The following ABCA5 variants were observed in gnomAD, a reference collection of about 807,000 sequenced individuals.
ABCA5 encodes ATP binding cassette subfamily A member 5.
ABCA5 carries 163 observed loss-of-function variants against 206.0 expected under a neutral mutation model. That is an observed-to-expected ratio of 0.79 (90% CI 0.70 to 0.90). The LOEUF is 0.90. ABCA5 is among the 40% of genes least tolerant of loss of function. The probability of loss-of-function intolerance (pLI) is 0.00; values close to 1 mark genes in which losing one functional copy is unlikely to be tolerated. For synonymous variants in ABCA5, 609 were observed against 613.8 expected, an observed-to-expected ratio of 0.99 and a Z score of 0.11; for missense variants, 1,859 against 1,912.9, an observed-to-expected ratio of 0.97 and a Z score of 0.53.
In ABCA5 at chr17:69,326,358, C is replaced by T. The variant is rs2075896792; in HGVS notation, c.-16+694G>A. ...ACGTGGTTATTATCTTCATTATTTT[C>T]GGACTTATTTATTTAAAACGTAAAT... On this transcript the variant is annotated intron_variant, in intron 1 of 38. Coordinates refer to ENST00000392676, the MANE Select transcript of ABCA5 (RefSeq NM_172232.4). This position sits in a 1 kb window ranked among gnomAD's most constrained non-coding sequence, Gnocchi z 4.8. Among the ~76,000 whole-genome samples the T allele has an allele frequency of 6.6e-6, 1 of 152,184 alleles. No individual in the cohort carries two copies. The highest frequency in any genetic ancestry group is 1.5e-5 in the Non-Finnish European group (1 of 68,030).
At chr17:69,325,298 G>T (rs1365762339) in intron 1 of ABCA5, among the ~76,000 whole-genome samples, 1 of 146,774 alleles carries the variant, frequency 6.8e-6, no homozygotes, top group Non-Finnish European at 1.5e-5. Flanking sequence ...GACAGAATGA[G>T]ACCCTGTCTC....
chr17:69,274,670 A>C (rs1220719563), intron 19 of ABCA5, among the ~76,000 whole-genome samples: 1 of 152,152 alleles, frequency 6.6e-6, no homozygotes, highest in Non-Finnish European at 1.5e-5. Flanking sequence ...ACTGTACGAC[A>C]AAATTAAAAG....
intron 18 of ABCA5, among the ~76,000 whole-genome samples, chr17:69,281,201 A>T (rs1434402956): frequency 6.6e-6 from 1 of 151,802 alleles, no homozygotes; most frequent in Non-Finnish European, 1.5e-5. Context: ...GTTAATGCAA[A>T]TATTAAAGAG....
At position 69,272,455 on chromosome 17, in the gene ABCA5, C is replaced by T. The variant is rs566753458; in HGVS notation, c.2765-1166G>A. Among the ~76,000 whole-genome samples the T allele has an allele frequency of 4.6e-5, 7 of 151,832 alleles. No individual in the cohort carries two copies. In the East Asian group the frequency reaches 9.7e-4, roughly 21 times the overall value. On this transcript the variant is annotated intron_variant, in intron 20 of 38. Coordinates refer to ENST00000392676, the MANE Select transcript of ABCA5 (RefSeq NM_172232.4). ...CAAACTGAAAATACTAGAATTTCTGCAGATCAATGAGAATTAACTCAAAGC... is the reference window on the plus strand; with the variant it reads ...CAAACTGAAAATACTAGAATTTCTGTAGATCAATGAGAATTAACTCAAAGC...
intron 22 of ABCA5, 142 bp downstream of exon 22, chr17:69,270,471 C>G (rs944945275): frequency 8.5e-6 from 6 of 705,508 alleles, no homozygotes; most frequent in Non-Finnish European, 1.3e-5. Context: ...TTAATGTAAA[C>G]CGTTTCTCAC....
chr17:69,285,599 A>G (rs1484115819), intron 17 of ABCA5, among the ~76,000 whole-genome samples: 1 of 152,138 alleles, frequency 6.6e-6, no homozygotes, highest in Non-Finnish European at 1.5e-5. Flanking sequence ...GAGGCCTACA[A>G]GCAATTTCTT....
chr17:69,271,639 AGCTGCTGCTGCT>A (rs142447746), intron 20 of ABCA5, among the ~76,000 whole-genome samples: 1 of 151,426 alleles, frequency 6.6e-6, no homozygotes, highest in Non-Finnish European at 1.5e-5. Context: ...CGCATATTTT[AGCTGCTGCTGCT>A]GCTGCTGCCA....
chr17:69,247,588 T>C lies in ABCA5; in HGVS notation c.4878A>G (p.Leu1626=). The change falls in exon 39 of 39, where the codon TTA becomes TTG. Residue 1626 remains leucine (L), a synonymous_variant. Transcript: ENST00000392676. ...TTCGTTCCCACCAAAGTGTGCTGTT[T>C]AAAGTTCCACAACTATTATCTTCCT... ...QEEEDNSCGT[L]NSTLWWERTQ... The C allele has an allele frequency of 6.2e-7, 1 of 1,611,462 alleles. No homozygotes were observed. Among genetic ancestry groups the C allele is most frequent in the Middle Eastern group, 1.7e-4 (1 of 6,050 alleles).
At chr17:69,300,978 A>T (rs887432127) in intron 9 of ABCA5, among the ~76,000 whole-genome samples, 161 bp downstream of exon 9, 1 of 152,202 alleles carries the variant, frequency 6.6e-6, no homozygotes, top group African/African-American at 2.4e-5. Context: ...CTATAGCCTA[A>T]GGTACAAAAT....
At chr17:69,250,350 C>G (rs1219740601) in intron 36 of ABCA5, 122 bp downstream of exon 36, 7 of 698,722 alleles carry the variant, frequency 1.0e-5, no homozygotes, top group East Asian at 9.6e-5. Flanking sequence ...TATTCACACA[C>G]AGAGATATAT....
chr17:69,248,191 A>G, intron 38 of ABCA5, 71 bp downstream of exon 38: 2 of 937,496 alleles, frequency 2.1e-6, no homozygotes, highest in Admixed American at 2.4e-5. Context: ...CCTCTCTAAT[A>G]TAAACCAAAA....
At position 69,277,741 on chromosome 17, in the gene ABCA5, C is replaced by A. The variant is rs536009; in HGVS notation, c.2494G>T (p.Ala832Ser). 1,363,428 of 1,607,574 alleles carry A rather than the reference C, an allele frequency of 0.85. 581,032 individuals carry two copies. Among genetic ancestry groups the A allele is most frequent in the East Asian group, 0.95 (42,629 of 44,684 alleles). ...SLLILSETKA[A>S]LVSTMSLWKQ... ...CAAAGGCTCATGGTGCTCACTAGAG[C>A]AGCCTTGGTTTCAGAAAGAATAAGT... Residue 832 changes from alanine (A) to serine (S), a missense_variant, in exon 19 of 39, where the codon GCT becomes TCT. By Grantham distance (99) the Ala-to-Ser change is moderately conservative. Transcript: ENST00000392676.
rs534980028 is a variant in ABCA5, at chr17:69,315,736, T to C, written c.-15-1306A>G. On this transcript the variant is annotated intron_variant, in intron 1 of 38. Coordinates refer to ENST00000392676, the MANE Select transcript of ABCA5 (RefSeq NM_172232.4). ...AGGCGGAGGTTGCAGTGAGCCAAGA[T>C]TGCACCGCTTCACACCAGCCTGGGT... is the stretch of plus-strand genomic sequence containing the variant. Among the ~76,000 whole-genome samples, 9 of 150,982 alleles carry C rather than the reference T, an allele frequency of 6.0e-5. No homozygotes were observed. The South Asian group carries it at 1.5e-3, about 25-fold the overall frequency.
intron 1 of ABCA5, among the ~76,000 whole-genome samples, chr17:69,316,459 C>A (rs984948852): frequency 2.0e-5 from 3 of 151,088 alleles, no homozygotes; most frequent in African/African-American, 7.3e-5. Flanking sequence ...TGCACCCCAA[C>A]CTGGGTGACA....
chr17:69,279,140 T>C (rs1266466712), intron 18 of ABCA5, among the ~76,000 whole-genome samples: 5 of 152,056 alleles, frequency 3.3e-5, no homozygotes, highest in Non-Finnish European at 5.9e-5. Flanking sequence ...GAAAACCCCA[T>C]CGTCTCAGCC....
chr17:69,297,158 C>A, intron 10 of ABCA5, 33 bp downstream of exon 10: 1 of 1,589,902 alleles, frequency 6.3e-7, no homozygotes, highest in South Asian at 1.2e-5. Context: ...ATCAGCAGTT[C>A]TTATACCTAA....
intron 19 of ABCA5, 50 bp downstream of exon 19, chr17:69,277,591 G>A (rs905196901): frequency 1.0e-5 from 15 of 1,430,226 alleles, no homozygotes; most frequent in Non-Finnish European, 1.4e-5. Flanking sequence ...AAACCAATGT[G>A]TATCCTTAAA....
chr17:69,261,228 A>C lies in ABCA5; in HGVS notation c.3461T>G (p.Ile1154Arg). ...AALACIAITE[I>R]TFFMGYTIAT... ...AATTGTGTATCCCATAAAGAAAGTT[A>C]TTTCAGTGATTGCAATACAAGCCAA... is the stretch of plus-strand genomic sequence containing the variant. Residue 1154 changes from isoleucine (I) to arginine (R), a missense_variant, in exon 26 of 39, where the codon ATA becomes AGA. Physicochemically the swap from Ile to Arg is moderately conservative, Grantham distance 97. Coordinates refer to ENST00000392676, the MANE Select transcript of ABCA5 (RefSeq NM_172232.4). 1 of 1,608,310 alleles carries C rather than the reference A, an allele frequency of 6.2e-7. No individual in the cohort carries two copies. Among genetic ancestry groups the C allele is most frequent in the Non-Finnish European group, 8.5e-7 (1 of 1,177,370 alleles).
chr17:69,319,963 C>G (rs1255703923), intron 1 of ABCA5, among the ~76,000 whole-genome samples: 1 of 152,090 alleles, frequency 6.6e-6, no homozygotes, highest in East Asian at 1.9e-4. Flanking sequence ...ACTTCAAGAC[C>G]TTGGGCAAGT....
Sources: allele counts gnomAD v4.1 joint callset (sites outside exome capture counted in the v4.1 genomes callset), GRCh38; gene constraint gnomAD v4.1.1; non-coding constraint Gnocchi (gnomAD v3.1); transcripts MANE v1.5; gene names NCBI Gene and HGNC (gene_info 2026-07-23, HGNC 2026-07-21).